The following TRDN variants were observed in gnomAD, a reference collection of about 807,000 sequenced individuals.
TRDN encodes the protein triadin in skeletal muscle.
In TRDN, 161 loss-of-function variants were observed where a neutral mutation model predicts 149.7. The ratio of observed to expected loss-of-function variants is 1.08; its 90% confidence interval spans 0.95 to 1.23. TRDN has a LOEUF of 1.23. Among genes scored for constraint, TRDN ranks in the 50% most tolerant of loss-of-function variants. TRDN has a pLI of 0.00. For synonymous variants in TRDN, 294 were observed against 250.5 expected, an observed-to-expected ratio of 1.17 and a Z score of -1.64; for missense variants, 896 against 823.5, an observed-to-expected ratio of 1.09 and a Z score of -1.08.
intron 1 of TRDN, among the ~76,000 whole-genome samples, chr6:123,616,828 C>A (rs17702018): frequency 0.057 from 8,674 of 152,100 alleles, 590 homozygotes; most frequent in Admixed American, 0.21. Flanking sequence ...TTCTTGTATC[C>A]CACATTCTGA....
intron 38 of TRDN, among the ~76,000 whole-genome samples, chr6:123,239,185 A>G (rs866168996): frequency 1.3e-5 from 2 of 152,228 alleles, no homozygotes; most frequent in Non-Finnish European, 2.9e-5. Context: ...AGAAGTCATC[A>G]TATAAAGATA....
At chr6:123,443,358 G>A (rs1436894075) in intron 10 of TRDN, among the ~76,000 whole-genome samples, 1 of 151,852 alleles carries the variant, frequency 6.6e-6, no homozygotes. Context: ...GGTGGATCAG[G>A]GTAAACCTTT....
intron 24 of TRDN, among the ~76,000 whole-genome samples, chr6:123,283,603 A>G (rs1777683009): frequency 6.6e-6 from 1 of 151,732 alleles, no homozygotes; most frequent in South Asian, 2.1e-4. Context: ...TCAATTAGAT[A>G]CAAAAATGGG....
At chr6:123,298,661 A>G (rs552646591) in intron 24 of TRDN, among the ~76,000 whole-genome samples, 2 of 152,204 alleles carry the variant, frequency 1.3e-5, no homozygotes, top group East Asian at 3.9e-4. Flanking sequence ...ACAAGTGACA[A>G]CACCATATAA....
At chr6:123,253,105 T>C (rs1057020879) in intron 37 of TRDN, among the ~76,000 whole-genome samples, 2 of 152,028 alleles carry the variant, frequency 1.3e-5, no homozygotes, top group African/African-American at 2.4e-5. Context: ...AAAAACAACA[T>C]GCAAAGTAAG....
intron 12 of TRDN, among the ~76,000 whole-genome samples, chr6:123,400,447 A>T (rs1455860854): frequency 1.3e-5 from 2 of 152,160 alleles, no homozygotes; most frequent in Non-Finnish European, 2.9e-5. Context: ...GTCAGGCATT[A>T]GTTAGATCCT....
At chr6:123,347,703 T>C (rs897701467) in intron 21 of TRDN, among the ~76,000 whole-genome samples, 15 of 152,202 alleles carry the variant, frequency 9.9e-5, no homozygotes, top group African/African-American at 3.6e-4. Context: ...TGGAAATGTC[T>C]TGAGCATGGA....
chr6:123,438,171 A>T, intron 11 of TRDN, 49 bp from the exon 12 acceptor site: 8 of 1,389,748 alleles, frequency 5.8e-6, no homozygotes, highest in Non-Finnish European at 7.9e-6. Flanking sequence ...TTAACTTGCA[A>T]ATATTTCAGG....
intron 20 of TRDN, among the ~76,000 whole-genome samples, chr6:123,357,858 A>G (rs905202962): frequency 1.3e-5 from 2 of 152,214 alleles, no homozygotes; most frequent in African/African-American, 4.8e-5. Context: ...CATATTAAAT[A>G]GAGAAGGCTA....
chr6:123,498,535 A>G, intron 8 of TRDN: 1 of 470,962 alleles, frequency 2.1e-6, no homozygotes, highest in South Asian at 1.5e-5. Flanking sequence ...TTCCCACAGG[A>G]GAGGTAGGGA....
At chr6:123,497,715 C>A (rs868351387) in intron 8 of TRDN, among the ~76,000 whole-genome samples, 4 of 152,114 alleles carry the variant, frequency 2.6e-5, no homozygotes, top group African/African-American at 9.7e-5. Context: ...AGCAGAATGT[C>A]TTTTCCAAAA....
intron 32 of TRDN, among the ~76,000 whole-genome samples, chr6:123,266,739 ATATAT>A (rs35113907): frequency 0.27 from 10,660 of 38,816 alleles, 1,780 homozygotes; most frequent in Non-Finnish European, 0.36. Context: ...TATATATGTA[ATATAT>A]TATAATATGT....
intron 2 of TRDN, among the ~76,000 whole-genome samples, chr6:123,552,406 AC>A (rs1490074538): frequency 1.3e-5 from 2 of 152,122 alleles, no homozygotes; most frequent in Non-Finnish European, 2.9e-5. Flanking sequence ...AAAAATCAAG[AC>A]CATAGTTTCA....
chr6:123,598,454 A>G (rs144576514), intron 1 of TRDN, among the ~76,000 whole-genome samples: 15 of 152,190 alleles, frequency 9.9e-5, no homozygotes, highest in African/African-American at 3.6e-4. Flanking sequence ...AAGAAACCCT[A>G]GCTCCCATTA....
chr6:123,437,561 CA>C (rs1222537340), intron 12 of TRDN, among the ~76,000 whole-genome samples: 2 of 151,686 alleles, frequency 1.3e-5, no homozygotes, highest in African/African-American at 4.8e-5. Flanking sequence ...AGCCACTTTT[CA>C]GTTTCACAAC....
chr6:123,503,984 T>C, intron 7 of TRDN, 83 bp from the exon 8 acceptor site: 1 of 1,412,504 alleles, frequency 7.1e-7, no homozygotes. Context: ...TTAAGGAAAA[T>C]TGGAAAAGAA....
intron 38 of TRDN, among the ~76,000 whole-genome samples, chr6:123,249,073 C>A (rs1302254510): frequency 1.3e-5 from 2 of 152,088 alleles, no homozygotes; most frequent in African/African-American, 4.8e-5. Flanking sequence ...ATGTGCAAAT[C>A]AATAAACCTG....
At chr6:123,526,888 A>G (rs1779977526) in intron 5 of TRDN, among the ~76,000 whole-genome samples, 1 of 152,040 alleles carries the variant, frequency 6.6e-6, no homozygotes, top group Admixed American at 6.6e-5. Context: ...TCATCCAGTT[A>G]GAGGTGGTTA....
intron 23 of TRDN, among the ~76,000 whole-genome samples, chr6:123,325,768 C>G (rs548089191): frequency 6.6e-6 from 1 of 152,138 alleles, no homozygotes; most frequent in South Asian, 2.1e-4. Context: ...TTTACTATGG[C>G]ATATGTTGAA....
Sources: allele counts gnomAD v4.1 joint callset (sites outside exome capture counted in the v4.1 genomes callset), GRCh38; gene constraint gnomAD v4.1.1; transcripts MANE v1.5; gene names NCBI Gene and HGNC (gene_info 2026-07-23, HGNC 2026-07-21).